S100A9: variants seen among roughly 807,000 people sequenced by gnomAD.
The protein encoded by S100A9 is S100 calcium binding protein A9.
In S100A9, 2 loss-of-function variants were observed where a neutral mutation model predicts 4.3. The ratio of observed to expected loss-of-function variants is 0.47; its 90% CI spans 0.19 to 1.48. The LOEUF (loss-of-function observed/expected upper bound fraction) is 1.48, where lower values mean the gene tolerates loss of function less well. Among genes scored for constraint, S100A9 ranks in the 40% most tolerant of loss-of-function variants. The probability of loss-of-function intolerance (pLI) is 0.24; values close to 1 mark genes in which losing one functional copy is unlikely to be tolerated. For synonymous variants in S100A9, 67 were observed against 54.0 expected (o/e 1.24, Z -1.06); for missense variants, 130 against 144.4 (o/e 0.90, Z 0.51).
Position 153,360,637 on chromosome 1 carries a change from C to T in S100A9, c.151-7C>T. On this transcript the variant is annotated splice_polypyrimidine_tract_variant and splice_region_variant and intron_variant, in intron 2 of 2. Transcript: ENST00000368738. ...CAGCTCTCACAGCCTTCTCTCCCCA[C>T]CCGCAGAAGGAGAATAAGAATGAAA... 6.3e-7 allele frequency: 1 copy of T among 1,592,976 alleles called. No individual in the cohort carries two copies. Among genetic ancestry groups the T allele is most frequent in the Non-Finnish European group, 8.6e-7 (1 of 1,165,056 alleles).
intron 2 of S100A9, among the ~76,000 whole-genome samples, chr1:153,359,035 C>T (rs1661398358): frequency 1.3e-5 from 2 of 152,108 alleles, no homozygotes; most frequent in African/African-American, 2.4e-5. Context: ...ATAAAGAGCA[C>T]ATGGAGAGCA....
chr1:153,359,817 T>G (rs568068108), intron 2 of S100A9, among the ~76,000 whole-genome samples: 4 of 149,900 alleles, frequency 2.7e-5, no homozygotes, highest in African/African-American at 9.8e-5. Flanking sequence ...GCCTCCAGAA[T>G]AGCTGGGATT....
chr1:153,358,470 C>G (rs750962484), intron 2 of S100A9, 37 bp downstream of exon 2: 19 of 1,519,016 alleles, frequency 1.3e-5, no homozygotes, highest in Non-Finnish European at 1.7e-5. Flanking sequence ...CCCAGCCTCA[C>G]CGCAGTTTGG....
chr1:153,358,142 GCAGCCT>G (rs1661379896), intron 1 of S100A9, 121 bp from the exon 2 acceptor site: 2 of 570,250 alleles, frequency 3.5e-6, no homozygotes, highest in East Asian at 5.8e-5. Context: ...CAGTTAAGTT[GCAGCCT>G]GTGCTTTCTT....
intron 2 of S100A9, 65 bp downstream of exon 2, chr1:153,358,498 G>A (rs1206044413): frequency 1.6e-5 from 21 of 1,312,840 alleles, no homozygotes; most frequent in Non-Finnish European, 2.1e-5. Flanking sequence ...AGGGAGGATG[G>A]GAGTATGGGC....
At chr1:153,359,987 C>A (rs1661418666) in intron 2 of S100A9, among the ~76,000 whole-genome samples, 1 of 152,124 alleles carries the variant, frequency 6.6e-6, no homozygotes, top group Non-Finnish European at 1.5e-5. Context: ...CCCTGTCCGA[C>A]CATCTCCCCT....
At position 153,360,791 on chromosome 1, in the gene S100A9, G is replaced by C; in HGVS notation, c.298G>C (p.Gly100Arg). The C allele has an allele frequency of 6.2e-7, 1 of 1,613,774 alleles. No homozygotes were observed. The highest frequency in any genetic ancestry group is 8.5e-7 in the Non-Finnish European group (1 of 1,179,850). The change falls in exon 3 of 3, where the codon GGC (glycine) becomes CGC (arginine). Residue 100 changes from glycine (G) to arginine (R), a missense_variant. Coordinates refer to ENST00000368738, the MANE Select transcript of S100A9 (RefSeq NM_002965.4). ...CGAGAAGATGCACGAGGGTGACGAG[G>C]GCCCTGGCCACCACCATAAGCCAGG... is the stretch of plus-strand genomic sequence containing the variant. ...SHEKMHEGDE[G>R]PGHHHKPGLG... is the part of the protein sequence containing the mutation.
chr1:153,358,543 GC>G, intron 2 of S100A9, 110 bp downstream of exon 2: 1 of 873,992 alleles, frequency 1.1e-6, no homozygotes, highest in Non-Finnish European at 1.7e-6. Flanking sequence ...AGCTCCTGGA[GC>G]CCAGCCCCAA....
At position 153,360,802 on chromosome 1, in the gene S100A9, C is replaced by A; in HGVS notation, c.309C>A (p.His103Gln). 6.2e-7 allele frequency: 1 copy of A among 1,613,022 alleles called. No homozygotes were observed. The highest frequency in any genetic ancestry group is 8.5e-7 in the Non-Finnish European group (1 of 1,179,450). Residue 103 changes from histidine to glutamine, a missense_variant, in exon 3 of 3, where the codon CAC becomes CAA. Transcript: ENST00000368738. ...ACGAGGGTGACGAGGGCCCTGGCCA[C>A]CACCATAAGCCAGGCCTCGGGGAGG... is the stretch of plus-strand genomic sequence containing the variant. ...KMHEGDEGPG[H>Q]HHKPGLGEGT...
At chr1:153,359,286 C>T (rs1661401665) in intron 2 of S100A9, among the ~76,000 whole-genome samples, 2 of 152,062 alleles carry the variant, frequency 1.3e-5, no homozygotes, top group African/African-American at 4.8e-5. Flanking sequence ...CCTCCCTCCG[C>T]CTTGGTAAGG....
rs775571185 is a variant in S100A9 at position 153,360,733 on chromosome 1, C to T, written c.240C>T (p.Ile80=). The T allele has an allele frequency of 6.2e-7, 1 of 1,614,090 alleles. No homozygotes were observed. The highest frequency in any genetic ancestry group is 1.1e-5 in the South Asian group (1 of 91,090). Residue 80 remains isoleucine, a synonymous_variant, in exon 3 of 3, where the codon ATC becomes ATT. Coordinates refer to ENST00000368738, the MANE Select transcript of S100A9 (RefSeq NM_002965.4). ...ADKQLSFEEF[I]MLMARLTWAS... ...AGCAGCTGAGCTTCGAGGAGTTCATCATGCTGATGGCGAGGCTAACCTGGG... is the reference window on the plus strand; with the variant it reads ...AGCAGCTGAGCTTCGAGGAGTTCATTATGCTGATGGCGAGGCTAACCTGGG...
At chr1:153,359,984 C>T (rs892101067) in intron 2 of S100A9, among the ~76,000 whole-genome samples, 5 of 152,050 alleles carry the variant, frequency 3.3e-5, no homozygotes, top group Non-Finnish European at 5.9e-5. Flanking sequence ...CCACCCTGTC[C>T]GACCATCTCC....
Position 153,360,906 on chromosome 1 carries a change from A to G in S100A9, c.*68A>G. On this transcript the variant is annotated 3_prime_UTR_variant, in exon 3 of 3. Coordinates refer to ENST00000368738, the MANE Select transcript of S100A9 (RefSeq NM_002965.4). ...AGTCATGGTGGCCACGGCCACAGCCACTAATCAGGAGGCCAGGCCACCCTG... is the reference window on the plus strand; with the variant it reads ...AGTCATGGTGGCCACGGCCACAGCCGCTAATCAGGAGGCCAGGCCACCCTG... 7.7e-7 allele frequency: 1 copy of G among 1,290,766 alleles called. No individual in the cohort carries two copies. Among genetic ancestry groups the G allele is most frequent in the Middle Eastern group, 2.4e-4 (1 of 4,154 alleles). The allele number at this position is 1,290,766 out of a possible 1,614,324, so 80.0% of individuals were successfully genotyped here. A position where few individuals can be genotyped will look rare whatever the true frequency, so the allele number is the denominator to read the frequency against.
At position 153,358,188 on chromosome 1, in the gene S100A9, T is replaced by C. The variant is rs575674053; in HGVS notation, c.-15-81T>C. ...TTTTGCACTTCCCCCACTATTTCTG[T>C]GAGTGCTTAGTAGGAAGTGTCAAAG... On this transcript the variant is annotated intron_variant, in intron 1 of 2. Transcript: ENST00000368738. 18 of 933,314 alleles carry C rather than the reference T, an allele frequency of 1.9e-5. No individual in the cohort carries two copies. The East Asian group carries it at 2.0e-4, about 11-fold the overall frequency. The allele number at this position is 933,314 out of a possible 1,614,324, so 57.8% of individuals were successfully genotyped here.
In S100A9 at chr1:153,360,832, C is replaced by T. The variant is rs1475856699; in HGVS notation, c.339C>T (p.Thr113=). 4 of 1,599,666 alleles carry T rather than the reference C, an allele frequency of 2.5e-6. No individual in the cohort carries two copies. The highest frequency in any genetic ancestry group is 3.4e-6 in the Non-Finnish European group (4 of 1,172,148). ...HHHKPGLGEG[T]P is the part of the protein sequence containing the mutation. ...ATAAGCCAGGCCTCGGGGAGGGCAC[C>T]CCCTAAGACCACAGTGGCCAAGATC... is the stretch of plus-strand genomic sequence containing the variant. Residue 113 remains threonine (T), a synonymous_variant, in exon 3 of 3, where the codon ACC becomes ACT. Transcript: ENST00000368738.
At chr1:153,360,139 G>A (rs775210125) in intron 2 of S100A9, among the ~76,000 whole-genome samples, 19 of 152,168 alleles carry the variant, frequency 1.2e-4, no homozygotes. Flanking sequence ...GTAACCTCCA[G>A]AGGGAAGGGA....
At position 153,358,254 on chromosome 1, in the gene S100A9, T is replaced by A. The variant is rs1345757740; in HGVS notation, c.-15-15T>A. 1.3e-6 allele frequency: 2 copies of A among 1,506,606 alleles called. No individual in the cohort carries two copies. Among genetic ancestry groups the A allele is most frequent in the African/African-American group, 2.8e-5 (2 of 71,884 alleles). The allele number at this position is 1,506,606 out of a possible 1,614,324, so 93.3% of individuals were successfully genotyped here. A position where few individuals can be genotyped will look rare whatever the true frequency, so the allele number is the denominator to read the frequency against. On this transcript the variant is annotated splice_polypyrimidine_tract_variant and intron_variant, in intron 1 of 2. Transcript: ENST00000368738. ...TTCTTCTAAGTGTCCCAACTCTTGG[T>A]TTTCCATTACACAGACAGAGTGCAA...
At chr1:153,359,359 C>CAGGCAGGAT (rs545517280) in intron 2 of S100A9, among the ~76,000 whole-genome samples, 7 of 152,070 alleles carry the variant, frequency 4.6e-5, no homozygotes, top group Non-Finnish European at 1.0e-4. Flanking sequence ...AGGCCTCAGG[C>CAGGCAGGAT]AGGCAGGATG....
chr1:153,357,951 C>G (rs992683642), intron 1 of S100A9, 70 bp downstream of exon 1: 2 of 173,722 alleles, frequency 1.2e-5, no homozygotes, highest in African/African-American at 4.7e-5. Flanking sequence ...CCTGACCCAA[C>G]TTCCTTCCAA....
Sources: allele counts gnomAD v4.1 joint callset (sites outside exome capture counted in the v4.1 genomes callset), GRCh38; gene constraint gnomAD v4.1.1; transcripts MANE v1.5; gene names NCBI Gene and HGNC (gene_info 2026-07-23, HGNC 2026-07-21).